Variants in PHF21A observed in about 807,000 individuals in gnomAD.
The protein encoded by PHF21A is PHD finger protein 21A.
PHF21A carries 11 observed loss-of-function variants against 82.5 expected under a neutral mutation model. The ratio of observed to expected loss-of-function variants is 0.13; its 90% confidence interval spans 0.08 to 0.22. The LOEUF (loss-of-function observed/expected upper bound fraction) is 0.22, where lower values mean the gene tolerates loss of function less well. Among genes scored for constraint, PHF21A ranks in the 10% least tolerant of loss-of-function variants. The pLI is 1.00. For synonymous variants in PHF21A, 297 were observed against 302.8 expected (o/e 0.98, Z 0.20); for missense variants, 579 against 837.8 (o/e 0.69, Z 3.81).
chr11:46,045,356 T>C (rs1001338488), intron 6 of PHF21A, among the ~76,000 whole-genome samples: 29 of 152,286 alleles, frequency 1.9e-4, no homozygotes, highest in African/African-American at 7.0e-4. Flanking sequence ...AAAATATACT[T>C]CCTGGCTGAT....
At chr11:46,097,322 G>T (rs571185298) in intron 1 of PHF21A, among the ~76,000 whole-genome samples, 1 of 152,110 alleles carries the variant, frequency 6.6e-6, no homozygotes, top group Non-Finnish European at 1.5e-5. Flanking sequence ...GGCACTGAGT[G>T]ATTTGGGCCT....
chr11:46,067,890 G>A (rs1292130854), intron 6 of PHF21A, among the ~76,000 whole-genome samples: 6 of 152,140 alleles, frequency 3.9e-5, no homozygotes, highest in African/African-American at 1.4e-4. Context: ...CAAGTACCAT[G>A]AGTACACAGA....
chr11:46,094,654 G>A (rs4756054), intron 1 of PHF21A, among the ~76,000 whole-genome samples: 114,729 of 152,138 alleles, frequency 0.75, 45,632 homozygotes, highest in Non-Finnish European at 0.9. Flanking sequence ...AGGCCAAAGT[G>A]GGTGGATCAC....
intron 6 of PHF21A, among the ~76,000 whole-genome samples, chr11:46,066,530 T>C (rs923046676): frequency 6.6e-6 from 1 of 151,884 alleles, no homozygotes; most frequent in Non-Finnish European, 1.5e-5. Context: ...AGAACCTGTT[T>C]CTAAAAAAAT....
intron 10 of PHF21A, among the ~76,000 whole-genome samples, chr11:45,961,297 A>G (rs962541848): frequency 2.0e-5 from 3 of 152,200 alleles, no homozygotes; most frequent in Non-Finnish European, 4.4e-5. Flanking sequence ...TGCATGAAAA[A>G]TCAAAGGTAG....
intron 6 of PHF21A, among the ~76,000 whole-genome samples, chr11:46,017,719 T>C (rs192521219): frequency 1.3e-4 from 20 of 152,336 alleles, no homozygotes; most frequent in Admixed American, 1.2e-3. Context: ...GCAAATGATT[T>C]TGTCCCTAAA....
chr11:45,948,090 CTG>C (rs2091549920), intron 14 of PHF21A, among the ~76,000 whole-genome samples: 1 of 151,966 alleles, frequency 6.6e-6, no homozygotes, highest in Non-Finnish European at 1.5e-5. Flanking sequence ...CCTTTCTAGC[CTG>C]CAACTATAAT....
At chr11:45,993,816 C>T (rs575670640) in intron 6 of PHF21A, among the ~76,000 whole-genome samples, 104 of 151,816 alleles carry the variant, frequency 6.9e-4, no homozygotes, top group African/African-American at 2.4e-3. Flanking sequence ...TGCTGGGAAA[C>T]GGGACGGTCA....
chr11:45,983,926 T>C (rs2094400260), intron 6 of PHF21A, among the ~76,000 whole-genome samples: 1 of 152,238 alleles, frequency 6.6e-6, no homozygotes, highest in East Asian at 1.9e-4. Context: ...GAGCCTATAT[T>C]TTTACTACTA....
intron 6 of PHF21A, among the ~76,000 whole-genome samples, chr11:46,020,301 C>T (rs2095603270): frequency 6.6e-6 from 1 of 152,182 alleles, no homozygotes; most frequent in Admixed American, 6.5e-5. Flanking sequence ...TGTTTGGGGA[C>T]AACACTAGAA....
intron 10 of PHF21A, among the ~76,000 whole-genome samples, chr11:45,963,441 A>G (rs1395944505): frequency 1.3e-5 from 2 of 151,520 alleles, no homozygotes; most frequent in African/African-American, 4.8e-5. Flanking sequence ...AAAAAAAAGA[A>G]AAGAAAAAAA....
chr11:45,969,711 T>C lies in PHF21A; in HGVS notation c.702+104A>G, dbSNP rs577183408. 36 of 730,136 alleles carry C rather than the reference T, an allele frequency of 4.9e-5. 1 individual carries two copies. Among genetic ancestry groups the C allele is most frequent in the South Asian group, 4.3e-4 (27 of 62,762 alleles). The allele number at this position is 730,136 out of a possible 1,614,324, so 45.2% of individuals were successfully genotyped here. On this transcript the variant is annotated intron_variant, in intron 9 of 18. Transcript: ENST00000676320. ...AGTCAGAATGTTTAGCTAAGCGGGATAGACAGCTGGGCTGACAAGCCCCAT... is the reference window on the plus strand; with the variant it reads ...AGTCAGAATGTTTAGCTAAGCGGGACAGACAGCTGGGCTGACAAGCCCCAT...
At chr11:45,986,633 C>G (rs960577506) in intron 6 of PHF21A, among the ~76,000 whole-genome samples, 1 of 152,128 alleles carries the variant, frequency 6.6e-6, no homozygotes, top group Non-Finnish European at 1.5e-5. Context: ...CTTTGAAGCA[C>G]TAAACTATAC....
intron 6 of PHF21A, among the ~76,000 whole-genome samples, chr11:46,061,278 C>T (rs1230267672): frequency 1.3e-5 from 2 of 152,080 alleles, no homozygotes; most frequent in Non-Finnish European, 2.9e-5. Flanking sequence ...CTTAGAATTG[C>T]CTTGGCTATT....
intron 1 of PHF21A, among the ~76,000 whole-genome samples, chr11:46,118,504 G>A (rs1388964427): frequency 1.3e-5 from 2 of 150,992 alleles, no homozygotes; most frequent in East Asian, 1.9e-4. Flanking sequence ...CTATTACTAT[G>A]CTCTTCACTT....
chr11:45,982,249 G>A (rs1176072562), intron 6 of PHF21A, among the ~76,000 whole-genome samples: 1 of 152,060 alleles, frequency 6.6e-6, no homozygotes, highest in Non-Finnish European at 1.5e-5. Context: ...AAGCCACCAC[G>A]CCCGGCTGAG....
In PHF21A at chr11:45,948,831, A is replaced by G; in HGVS notation, c.1288+55T>C. 7.0e-6 allele frequency: 9 copies of G among 1,282,732 alleles called. No homozygotes were observed. In the South Asian group the frequency reaches 9.5e-5, roughly 14 times the overall value. 79.5% of individuals were successfully genotyped at this position (1,282,732 alleles called of 1,614,324 possible). On this transcript the variant is annotated intron_variant, in intron 14 of 18. Coordinates refer to ENST00000676320, the MANE Select transcript of PHF21A (RefSeq NM_001352027.3). ...ATGGGAGGAGGGAAGGAGAAGAAAC[A>G]CACACACAAAGCAAAAGCAACAGCA... is the stretch of plus-strand genomic sequence containing the variant.
chr11:46,049,283 A>C, intron 6 of PHF21A: 1 of 341,082 alleles, frequency 2.9e-6, no homozygotes, highest in Non-Finnish European at 5.8e-6. Flanking sequence ...TCAAATCCTG[A>C]TAGTAAGGTA....
chr11:46,070,880 T>C (rs780344547), intron 6 of PHF21A, among the ~76,000 whole-genome samples: 1 of 152,208 alleles, frequency 6.6e-6, no homozygotes, highest in African/African-American at 2.4e-5. Context: ...TCTTCCAAAT[T>C]AGCAGAGTGC....
Sources: gnomAD v4.1 joint callset for allele counts (sites outside exome capture counted in the v4.1 genomes callset) on GRCh38, gnomAD v4.1.1 for gene constraint, MANE v1.5 for transcripts, NCBI Gene and HGNC (gene_info 2026-07-23, HGNC 2026-07-21) for gene names.